Variants in PKHD1 observed in about 807,000 individuals in gnomAD.
PKHD1 encodes fibrocystin.
A neutral mutation model predicts 412.0 loss-of-function variants in PKHD1; 291 were observed. That is an observed-to-expected ratio of 0.71 (90% CI 0.64 to 0.78). The LOEUF (loss-of-function observed/expected upper bound fraction) is 0.78, where lower values mean the gene tolerates loss of function less well. Ranked by LOEUF, PKHD1 falls within the 30% of genes least tolerant of loss-of-function variation. The pLI is 0.00. For missense variants in PKHD1, 4,825 were observed against 4,950.7 expected (o/e 0.97, Z 0.76); for synonymous variants, 1,777 against 1,821.5 (o/e 0.98, Z 0.62).
chr6:52,067,594 G>A (rs1453163919), intron 11 of PKHD1, among the ~76,000 whole-genome samples: 1 of 152,182 alleles, frequency 6.6e-6, no homozygotes, highest in East Asian at 1.9e-4. Flanking sequence ...AGTAGGATGG[G>A]AGTATTGAGG....
chr6:52,000,627 T>C (rs887157714), intron 35 of PKHD1, among the ~76,000 whole-genome samples: 2 of 152,194 alleles, frequency 1.3e-5, no homozygotes, highest in Non-Finnish European at 2.9e-5. Context: ...AAGCTCGCGG[T>C]TTTCCACTGA....
intron 53 of PKHD1, among the ~76,000 whole-genome samples, chr6:51,789,864 A>T (rs1793462242): frequency 6.6e-6 from 1 of 152,216 alleles, no homozygotes; most frequent in African/African-American, 2.4e-5. Flanking sequence ...CTTGTCCTGA[A>T]TGGCTCAAGG....
Position 51,893,652 on chromosome 6 carries a change from G to A in PKHD1, c.6997-6407C>T, listed in dbSNP as rs773721908. Among the ~76,000 whole-genome samples the A allele has an allele frequency of 5.9e-5, 9 of 152,136 alleles. No individual in the cohort carries two copies. The South Asian group carries it at 6.2e-4, about 10-fold the overall frequency. ...TTTTGTGTGGAAATCAATTATTTGC[G>A]GAAGTCAATGTATTATGGACATTCA... On this transcript the variant is annotated intron_variant, in intron 43 of 66. Transcript: ENST00000371117.
At position 52,025,400 on chromosome 6, in the gene PKHD1, G is replaced by A. The variant is rs755526540; in HGVS notation, c.4410C>T (p.Ser1470=). ...NVTVLVNGLT[S]ECQGNCTLFI... is the part of the protein sequence containing the mutation. ...AAAGAGTGCAATTCCCCTGACACTC[G>A]CTGGTTAGCCCATTGACCAGGACTG... Residue 1470 remains serine, a synonymous_variant, in exon 32 of 67, where the codon AGC becomes AGT. Transcript: ENST00000371117. 2.8e-5 allele frequency: 45 copies of A among 1,610,472 alleles called. No homozygotes were observed. The highest frequency in any genetic ancestry group is 2.2e-4 in the East Asian group (10 of 44,828).
intron 60 of PKHD1, chr6:51,721,074 A>G: frequency 3.0e-6 from 3 of 984,358 alleles, no homozygotes; most frequent in Non-Finnish European, 3.6e-6. Context: ...AATTCCTCAA[A>G]TCACACTGTA....
chr6:51,730,147 C>A (rs1295975498), intron 60 of PKHD1, among the ~76,000 whole-genome samples: 1 of 151,914 alleles, frequency 6.6e-6, no homozygotes, highest in African/African-American at 2.4e-5. Context: ...TGAAATTAGC[C>A]CTTTGCTAGA....
intron 37 of PKHD1, among the ~76,000 whole-genome samples, chr6:51,918,096 G>A (rs1011017935): frequency 1.2e-4 from 18 of 151,908 alleles, no homozygotes; most frequent in Non-Finnish European, 2.4e-4. Context: ...CAAATGAAGA[G>A]GACTGGGCAA....
intron 52 of PKHD1, among the ~76,000 whole-genome samples, chr6:51,808,003 T>C (rs186721514): frequency 2.2e-3 from 340 of 152,234 alleles, no homozygotes; most frequent in Non-Finnish European, 3.6e-3. Context: ...AGTAATCGCA[T>C]GTCTCTGTAA....
rs781716386 is a variant in PKHD1 at position 51,619,172 on chromosome 6, C to T, written c.12134G>A (p.Gly4045Glu). ...GGAGGCTTTCTTCTCTTGGGAAAGC[C>T]CCAAGCTGCCACTTTGCTTACTCAG... is the stretch of plus-strand genomic sequence containing the variant. ...SRLSKQSGSL[G>E]LSQEKKASCG... Residue 4045 changes from glycine to glutamate, a missense_variant, in exon 67 of 67, where the codon GGG (glycine) becomes GAG (glutamate). By Grantham distance (98) the Gly-to-Glu change is moderately conservative (BLOSUM62 -2). Transcript: ENST00000371117. 5 of 1,614,212 alleles carry T rather than the reference C, an allele frequency of 3.1e-6. No homozygotes were observed. Among genetic ancestry groups the T allele is most frequent in the Non-Finnish European group, 4.2e-6 (5 of 1,180,030 alleles).
At position 51,966,885 on chromosome 6, in the gene PKHD1, TGATTGGATTG is replaced by T. The variant is rs10599413; in HGVS notation, c.5752-6869_5752-6860del. On this transcript the variant is annotated intron_variant, in intron 35 of 66. Transcript: ENST00000371117. ...GATATGGAGTGATCAGAGACTGCTCTGATTGGATTGGATTGGATTGGATTGGATTGGATTG... is the reference window on the plus strand; with the variant it reads ...GATATGGAGTGATCAGAGACTGCTCTGATTGGATTGGATTGGATTGGATTG... 3.9e-3 allele frequency among the ~76,000 whole-genome samples: 585 copies of T among 149,994 alleles called. 1 individual carries two copies. The highest frequency in any genetic ancestry group is 0.013 in the African/African-American group (513 of 40,538).
intron 61 of PKHD1, among the ~76,000 whole-genome samples, chr6:51,656,136 A>G (rs1771805702): frequency 6.6e-6 from 1 of 152,194 alleles, no homozygotes; most frequent in Admixed American, 6.5e-5. Flanking sequence ...TGTGGCACAT[A>G]TACACCATGG....
intron 53 of PKHD1, among the ~76,000 whole-genome samples, chr6:51,786,882 A>C (rs1792951431): frequency 6.6e-6 from 1 of 152,212 alleles, no homozygotes; most frequent in Admixed American, 6.5e-5. Context: ...AGCTTATCTT[A>C]ACTGTTTTAT....
At chr6:51,957,219 G>A (rs1411678507) in intron 36 of PKHD1, among the ~76,000 whole-genome samples, 2 of 151,988 alleles carry the variant, frequency 1.3e-5, no homozygotes, top group African/African-American at 2.4e-5. Flanking sequence ...AATAGTGGCC[G>A]AAAATGTTGC....
intron 63 of PKHD1, among the ~76,000 whole-genome samples, chr6:51,646,440 T>C (rs555488831): frequency 6.6e-6 from 1 of 152,262 alleles, no homozygotes; most frequent in Admixed American, 6.5e-5. Context: ...TAATAATTTA[T>C]GGGTTATGTT....
At position 52,087,568 on chromosome 6, in the gene PKHD1, G is replaced by A. The variant is rs927164936; in HGVS notation, c.-219C>T. On this transcript the variant is annotated 5_prime_UTR_variant, in exon 1 of 67. Transcript: ENST00000371117. ...AGCTCAGCCTGCAGCCACCACGCAG[G>A]TAACTCACTCACGTTAGACTATAAC... 1.3e-5 allele frequency: 2 copies of A among 152,154 alleles called. No individual in the cohort carries two copies. The highest frequency in any genetic ancestry group is 2.4e-5 in the African/African-American group (1 of 41,440). The allele number at this position is 152,154 out of a possible 1,614,324, so 9.4% of individuals were successfully genotyped here. A position where few individuals can be genotyped will look rare whatever the true frequency, so the allele number is the denominator to read the frequency against.
At chr6:51,777,910 A>C (rs1159871) in intron 53 of PKHD1, among the ~76,000 whole-genome samples, 86,920 of 151,922 alleles carry the variant, frequency 0.57, 25,939 homozygotes, top group East Asian at 0.83. Context: ...CTGCCGTGAT[A>C]TTTTGCTATC....
intron 60 of PKHD1, among the ~76,000 whole-genome samples, chr6:51,705,619 T>C (rs1280512368): frequency 6.6e-6 from 1 of 152,052 alleles, no homozygotes; most frequent in Non-Finnish European, 1.5e-5. Context: ...CTCTGGAAAA[T>C]GTCTCTCCCA....
At chr6:52,031,871 T>G (rs1803094541) in intron 29 of PKHD1, among the ~76,000 whole-genome samples, 1 of 152,242 alleles carries the variant, frequency 6.6e-6, no homozygotes, top group African/African-American at 2.4e-5. Context: ...ATTGTATGTA[T>G]CAACAACATA....
chr6:51,804,801 G>A (rs1326580), intron 52 of PKHD1, among the ~76,000 whole-genome samples: 89,691 of 151,922 alleles, frequency 0.59, 26,804 homozygotes, highest in South Asian at 0.67. Context: ...ACTGAAAAGC[G>A]AGAAATGCAA....
Sources: allele counts gnomAD v4.1 joint callset (sites outside exome capture counted in the v4.1 genomes callset), GRCh38; gene constraint gnomAD v4.1.1; transcripts MANE v1.5; gene names NCBI Gene and HGNC (gene_info 2026-07-23, HGNC 2026-07-21).